Variants in CCDC73 observed in about 807,000 individuals in gnomAD.
CCDC73 encodes coiled-coil domain containing 73, also known as coiled-coil domain-containing protein 73.
In CCDC73, 95 loss-of-function variants were observed where a neutral mutation model predicts 116.5. The observed-to-expected ratio is 0.82, with a 90% CI of 0.69 to 0.97. CCDC73 has a LOEUF of 0.97. Ranked by LOEUF, CCDC73 falls within the 50% of genes least tolerant of loss-of-function variation. The pLI, the probability that CCDC73 is intolerant of heterozygous loss-of-function variation, is 0.00. For synonymous variants in CCDC73, 398 were observed against 401.3 expected (o/e 0.99, Z 0.10); for missense variants, 1,066 against 1,206.8 (o/e 0.88, Z 1.73).
chr11:32,636,686 ATAAT>A (rs1215120335), intron 13 of CCDC73, among the ~76,000 whole-genome samples: 11 of 152,060 alleles, frequency 7.2e-5, no homozygotes, highest in African/African-American at 1.2e-4. Flanking sequence ...TAATATTTTT[ATAAT>A]TAATATTCCT....
Position 32,760,210 on chromosome 11 carries a change from T to C in CCDC73, c.34A>G (p.Thr12Ala), listed in dbSNP as rs995749809. 6.3e-6 allele frequency: 10 copies of C among 1,587,112 alleles called. No individual in the cohort carries two copies. Among genetic ancestry groups the C allele is most frequent in the Admixed American group, 1.8e-5 (1 of 56,900 alleles). Residue 12 changes from threonine (T) to alanine (A), a missense_variant, in exon 2 of 18, where the codon ACT becomes GCT. Thr to Ala is a moderately conservative substitution (Grantham distance 58, BLOSUM62 0). Transcript: ENST00000335185. ...TCTGAAGAACTTTGAAGAGTAAAAGTAGATGATGACTCAGTATTGAAGTTG... is the reference window on the plus strand; with the variant it reads ...TCTGAAGAACTTTGAAGAGTAAAAGCAGATGATGACTCAGTATTGAAGTTG... ...ESNFNTESSSTFTLQSSSETL... is the reference protein window; with the variant it reads ...ESNFNTESSSAFTLQSSSETL...
chr11:32,616,355 T>C (rs1461160052), intron 14 of CCDC73, among the ~76,000 whole-genome samples: 1 of 152,240 alleles, frequency 6.6e-6, no homozygotes, highest in Non-Finnish European at 1.5e-5. Context: ...TGGAGATCTT[T>C]ATACATTTTC....
Position 32,653,123 on chromosome 11 carries a change from C to T in CCDC73, c.939G>A (p.Gln313=), listed in dbSNP as rs369180232. 2 of 1,586,148 alleles carry T rather than the reference C, an allele frequency of 1.3e-6. No individual in the cohort carries two copies. The highest frequency in any genetic ancestry group is 2.3e-5 in the East Asian group (1 of 44,378). The part of the protein sequence containing the change: ...AELKVLKENN[Q]TLERDNELQR... ...AGACAGACAGACAGATAGAACGAAC[C>T]TGATTATTTTCTTTTAGCACCTTCA... Residue 313 remains glutamine, a splice_region_variant and synonymous_variant, in exon 12 of 18, where the codon CAG becomes CAA. Transcript: ENST00000335185.
At chr11:32,773,706 G>C (rs961132286) in intron 1 of CCDC73, among the ~76,000 whole-genome samples, 9 of 151,858 alleles carry the variant, frequency 5.9e-5, no homozygotes, top group African/African-American at 2.2e-4. Flanking sequence ...CTTGAGCCCA[G>C]GAGTTCGAGG....
intron 6 of CCDC73, among the ~76,000 whole-genome samples, chr11:32,697,977 C>A (rs1332278571): frequency 6.7e-6 from 1 of 149,748 alleles, no homozygotes; most frequent in Non-Finnish European, 1.5e-5. Flanking sequence ...CTCAAGTAGG[C>A]CCCAGTGTCT....
At chr11:32,777,022 T>TAA (rs1225409318) in intron 1 of CCDC73, among the ~76,000 whole-genome samples, 4 of 131,026 alleles carry the variant, frequency 3.1e-5, no homozygotes, top group African/African-American at 6.0e-5. Context: ...TATATATATA[T>TAA]AATTGAACTT....
Position 32,632,342 on chromosome 11 carries a change from C to T in CCDC73, c.1185+3354G>A, listed in dbSNP as rs555686728. 5.1e-4 allele frequency among the ~76,000 whole-genome samples: 77 copies of T among 152,258 alleles called. No homozygotes were observed. The South Asian group carries it at 0.013, about 26-fold the overall frequency. The stretch of plus-strand genomic sequence containing the variant: ...CAAGGCTCAAGCAATTCTCGTGACT[C>T]GGCCTCTCAAGTAGCTGGAACTACA... On this transcript the variant is annotated intron_variant, in intron 14 of 17. Transcript: ENST00000335185.
At chr11:32,655,089 C>CTACTGGT in intron 9 of CCDC73, 117 bp from the exon 10 acceptor site, 1 of 763,296 alleles carries the variant, frequency 1.3e-6, no homozygotes, top group Non-Finnish European at 2.0e-6. Flanking sequence ...TGTTATAATT[C>CTACTGGT]CCTTGCAAGT....
At chr11:32,724,175 T>C (rs1318966204) in intron 2 of CCDC73, among the ~76,000 whole-genome samples, 1 of 152,152 alleles carries the variant, frequency 6.6e-6, no homozygotes, top group East Asian at 1.9e-4. Flanking sequence ...TACCACATAT[T>C]ATACCATTAA....
chr11:32,696,172 A>G (rs1856309313), intron 6 of CCDC73, among the ~76,000 whole-genome samples: 1 of 152,176 alleles, frequency 6.6e-6, no homozygotes, highest in Non-Finnish European at 1.5e-5. Flanking sequence ...TTTTTGTATT[A>G]ACAAACTTAA....
chr11:32,603,232 A>G (rs1313925693), intron 17 of CCDC73: 2 of 446,188 alleles, frequency 4.5e-6, no homozygotes, highest in Non-Finnish European at 7.9e-6. Context: ...TAACTGAAGT[A>G]AAGTGTACAA....
Position 32,639,030 on chromosome 11 carries a change from C to G in CCDC73, c.1050+2942G>C, listed in dbSNP as rs12806638. On this transcript the variant is annotated intron_variant, in intron 13 of 17. Coordinates refer to ENST00000335185, the MANE Select transcript of CCDC73 (RefSeq NM_001008391.4). ...GGGCATGGTGGCCTGCGCCTGTAGT[C>G]CCAGCTACTCGGGAGGCTGAGGCAG... 2.0e-5 allele frequency among the ~76,000 whole-genome samples: 3 copies of G among 151,602 alleles called. No homozygotes were observed. In the East Asian group the frequency reaches 6.0e-4, roughly 30 times the overall value.
intron 14 of CCDC73, among the ~76,000 whole-genome samples, chr11:32,622,908 CA>C (rs1343286849): frequency 6.6e-6 from 1 of 151,988 alleles, no homozygotes; most frequent in Non-Finnish European, 1.5e-5. Context: ...AAAGATAACT[CA>C]AGCAAGAAAT....
intron 1 of CCDC73, among the ~76,000 whole-genome samples, chr11:32,786,612 T>TTTTAAAA (rs1477243002): frequency 3.3e-5 from 5 of 149,788 alleles, no homozygotes; most frequent in Non-Finnish European, 5.9e-5. Context: ...TTATTTTATA[T>TTTTAAAA]AAGTATTACA....
intron 6 of CCDC73, among the ~76,000 whole-genome samples, chr11:32,696,231 C>T (rs1054825956): frequency 6.6e-5 from 10 of 152,020 alleles, no homozygotes; most frequent in Non-Finnish European, 1.0e-4. Flanking sequence ...TTCCATGCTT[C>T]ATTTATAGGT....
Position 32,614,313 on chromosome 11 carries a change from T to C in CCDC73, c.2005A>G (p.Thr669Ala), listed in dbSNP as rs1031578175. 4.3e-6 allele frequency: 7 copies of C among 1,612,608 alleles called. No individual in the cohort carries two copies. The highest frequency in any genetic ancestry group is 5.9e-6 in the Non-Finnish European group (7 of 1,179,134). ...QCKIKQIQLL[T>A]KKSECSILLS... Reference sequence around the variant, plus strand: ...AATATGCTGCACTCACTTTTTTTAGTTAACAGTTGTATTTGTTTTATTTTA... The same window carrying C: ...AATATGCTGCACTCACTTTTTTTAGCTAACAGTTGTATTTGTTTTATTTTA... Residue 669 changes from threonine to alanine, a missense_variant, in exon 16 of 18, where the codon ACT (threonine) becomes GCT (alanine). By Grantham distance (58) the Thr-to-Ala change is moderately conservative (BLOSUM62 0). Coordinates refer to ENST00000335185, the MANE Select transcript of CCDC73 (RefSeq NM_001008391.4).
At chr11:32,749,542 G>T (rs746737541) in intron 2 of CCDC73, among the ~76,000 whole-genome samples, 1 of 151,968 alleles carries the variant, frequency 6.6e-6, no homozygotes, top group Admixed American at 6.6e-5. Context: ...AGTTTGTTTG[G>T]TGAGGTATGT....
intron 1 of CCDC73, among the ~76,000 whole-genome samples, chr11:32,762,193 T>C (rs1461832943): frequency 2.0e-5 from 3 of 152,126 alleles, no homozygotes; most frequent in African/African-American, 4.8e-5. Context: ...CTGAAAATGA[T>C]GAGATATGTT....
chr11:32,689,723 A>G (rs1856236749), intron 6 of CCDC73, among the ~76,000 whole-genome samples: 1 of 152,070 alleles, frequency 6.6e-6, no homozygotes, highest in Non-Finnish European at 1.5e-5. Context: ...ATATCTAAGA[A>G]AATTACTCAC....
Sources: gnomAD v4.1 joint callset for allele counts (sites outside exome capture counted in the v4.1 genomes callset) on GRCh38, gnomAD v4.1.1 for gene constraint, MANE v1.5 for transcripts, NCBI Gene and HGNC (gene_info 2026-07-23, HGNC 2026-07-21) for gene names.